ODAPH: variants seen among roughly 807,000 people sequenced by gnomAD.
ODAPH encodes odontogenesis associated phosphoprotein.
Under a neutral mutation model 2.8 loss-of-function variants are expected in ODAPH, and 2 were observed. The observed-to-expected ratio is 0.72, with a 90% CI of 0.30 to 2.28. ODAPH has a LOEUF of 2.28. Ranked by LOEUF, ODAPH falls within the 30% of genes most tolerant of loss-of-function variation. The pLI is 0.13. For synonymous variants in ODAPH, 75 were observed against 60.3 expected, an observed-to-expected ratio of 1.24 and a Z score of -1.13; for missense variants, 159 against 163.3, an observed-to-expected ratio of 0.97 and a Z score of 0.14.
At chr4:75,556,471 C>A in intron 1 of ODAPH, 1 of 1,354,228 alleles carries the variant, frequency 7.4e-7, no homozygotes, top group Non-Finnish European at 1.0e-6. Flanking sequence ...AAAAACTCTT[C>A]AAGCTAAAAA....
At chr4:75,561,951 G>A (rs1318895743) in intron 1 of ODAPH, among the ~76,000 whole-genome samples, 1 of 152,164 alleles carries the variant, frequency 6.6e-6, no homozygotes, top group Non-Finnish European at 1.5e-5. Flanking sequence ...CTATTTTGCT[G>A]CTTCTATGTG....
At chr4:75,564,036 T>G (rs1472351151) in intron 1 of ODAPH, 78 bp from the exon 2 acceptor site, 1 of 1,273,002 alleles carries the variant, frequency 7.9e-7, no homozygotes, top group African/African-American at 1.5e-5. Context: ...CCCATCTTTC[T>G]CCTCTGCCAC....
intron 1 of ODAPH, among the ~76,000 whole-genome samples, chr4:75,561,233 A>AAAC (rs1265306480): frequency 6.6e-6 from 1 of 151,174 alleles, no homozygotes; most frequent in African/African-American, 2.4e-5. Context: ...CAAAAAAAAA[A>AAAC]AAAAAAAAAA....
intron 1 of ODAPH, among the ~76,000 whole-genome samples, chr4:75,563,762 G>T (rs1221094601): frequency 6.6e-6 from 1 of 152,160 alleles, no homozygotes; most frequent in African/African-American, 2.4e-5. Context: ...TTTTATCGCT[G>T]AGTACTATTT....
chr4:75,563,342 A>G (rs1727672060), intron 1 of ODAPH: 1 of 154,134 alleles, frequency 6.5e-6, no homozygotes, highest in Non-Finnish European at 1.5e-5. Flanking sequence ...CGCACATCTT[A>G]AAGGTAAGGC....
intron 1 of ODAPH, among the ~76,000 whole-genome samples, chr4:75,560,170 T>A (rs1727506312): frequency 6.6e-6 from 1 of 152,100 alleles, no homozygotes. Context: ...AGAAGTGGAA[T>A]CAGTAGGTGT....
chr4:75,557,766 C>T (rs773785323), intron 1 of ODAPH, among the ~76,000 whole-genome samples: 10 of 152,204 alleles, frequency 6.6e-5, no homozygotes, highest in East Asian at 1.9e-4. Flanking sequence ...TCCAGTTCAT[C>T]GCTCGTTCAC....
At chr4:75,560,642 C>T (rs779932780) in intron 1 of ODAPH, among the ~76,000 whole-genome samples, 8 of 152,204 alleles carry the variant, frequency 5.3e-5, no homozygotes, top group Non-Finnish European at 1.2e-4. Flanking sequence ...GTGATTGAAG[C>T]AAGCTTATAC....
At chr4:75,559,184 C>G (rs1355056968) in intron 1 of ODAPH, among the ~76,000 whole-genome samples, 2 of 152,180 alleles carry the variant, frequency 1.3e-5, no homozygotes, top group Non-Finnish European at 2.9e-5. Flanking sequence ...GACCAAGAGT[C>G]AACAGTCCCT....
In ODAPH at chr4:75,564,326, A is replaced by T; in HGVS notation, c.280A>T (p.Arg94Trp). Residue 94 changes from arginine (R) to tryptophan (W), a missense_variant, in exon 2 of 2, where the codon AGG becomes TGG. By Grantham distance (101) the Arg-to-Trp change is moderately radical. Transcript: ENST00000311623. ...TCCAAACAGACCTTTCGTCCCTTCA[A>T]GGTGTAACCACCGTTTTCCATTCCA... ...RFPNRPFVPS[R>W]CNHRFPFQPF... 6.2e-7 allele frequency: 1 copy of T among 1,614,176 alleles called. No homozygotes were observed. The highest frequency in any genetic ancestry group is 1.1e-5 in the South Asian group (1 of 91,084).
intron 1 of ODAPH, among the ~76,000 whole-genome samples, chr4:75,559,197 C>A (rs1310268687): frequency 6.6e-6 from 1 of 152,198 alleles, no homozygotes; most frequent in Non-Finnish European, 1.5e-5. Flanking sequence ...CAGTCCCTGT[C>A]ATTGGCGAGG....
chr4:75,556,432 T>C, intron 1 of ODAPH: 1 of 897,158 alleles, frequency 1.1e-6, no homozygotes, highest in South Asian at 1.5e-5. Flanking sequence ...TTATGGGGTT[T>C]GCAAGGACCA....
Position 75,564,702 on chromosome 4 carries a change from A to G in ODAPH, c.*263A>G. The G allele has an allele frequency of 1.5e-6, 1 of 665,276 alleles. No individual in the cohort carries two copies. The highest frequency in any genetic ancestry group is 2.5e-6 in the Non-Finnish European group (1 of 401,926). The allele number at this position is 665,276 out of a possible 1,614,324, so 41.2% of individuals were successfully genotyped here. On this transcript the variant is annotated 3_prime_UTR_variant, in exon 2 of 2. Transcript: ENST00000311623. Reference sequence around the variant, plus strand: ...ATGGTCACAGGATATTTATGCAAATAAAATCTTTAAATGGGTGGCTCTAGT... The same window carrying G: ...ATGGTCACAGGATATTTATGCAAATGAAATCTTTAAATGGGTGGCTCTAGT...
rs946796697 is a variant in ODAPH, at chr4:75,564,311, C to A, written c.265C>A (p.Pro89Thr). 3.1e-6 allele frequency: 5 copies of A among 1,614,196 alleles called. No individual in the cohort carries two copies. In the Admixed American group the frequency reaches 8.3e-5, roughly 27 times the overall value. The part of the protein sequence containing the change: ...PRIHFRFPNR[P>T]FVPSRCNHRF... The stretch of plus-strand genomic sequence containing the variant: ...AATCCATTTTAGGTTTCCAAACAGA[C>A]CTTTCGTCCCTTCAAGGTGTAACCA... Residue 89 changes from proline to threonine, a missense_variant, in exon 2 of 2, where the codon CCT becomes ACT. Coordinates refer to ENST00000311623, the MANE Select transcript of ODAPH (RefSeq NM_178497.5).
chr4:75,563,529 A>G (rs962340573), intron 1 of ODAPH, among the ~76,000 whole-genome samples: 2 of 152,224 alleles, frequency 1.3e-5, no homozygotes, highest in Non-Finnish European at 2.9e-5. Context: ...AAGATATGAA[A>G]CATTTCTAAA....
chr4:75,563,889 A>G (rs921392924), intron 1 of ODAPH, among the ~76,000 whole-genome samples: 4 of 152,198 alleles, frequency 2.6e-5, no homozygotes, highest in African/African-American at 9.6e-5. Context: ...AAGTCTTTTT[A>G]TAGACATAAT....
intron 1 of ODAPH, chr4:75,556,409 A>G (rs1727340636): frequency 5.3e-6 from 4 of 757,576 alleles, no homozygotes; most frequent in Non-Finnish European, 8.7e-6. Flanking sequence ...GACAACATTA[A>G]CAATATCCAT....
chr4:75,557,081 C>G (rs1727364329), intron 1 of ODAPH, among the ~76,000 whole-genome samples: 1 of 152,040 alleles, frequency 6.6e-6, no homozygotes, highest in East Asian at 1.9e-4. Flanking sequence ...GTGGAACACT[C>G]AGAAACCCCC....
chr4:75,560,309 GATGA>G (rs377727134), intron 1 of ODAPH, among the ~76,000 whole-genome samples: 171 of 152,288 alleles, frequency 1.1e-3, no homozygotes, highest in African/African-American at 4.0e-3. Flanking sequence ...AAATTCTTCA[GATGA>G]ATGAAGAATG....
Sources: gnomAD v4.1 joint callset for allele counts (sites outside exome capture counted in the v4.1 genomes callset) on GRCh38, gnomAD v4.1.1 for gene constraint, MANE v1.5 for transcripts, NCBI Gene and HGNC (gene_info 2026-07-23, HGNC 2026-07-21) for gene names.